The following CLPB variants were observed in gnomAD, a reference collection of about 807,000 sequenced individuals.
CLPB encodes the protein mitochondrial disaggregase.
A neutral mutation model predicts 78.4 loss-of-function variants in CLPB; 40 were observed. That is an observed-to-expected ratio of 0.51 (90% CI 0.40 to 0.66). The LOEUF (loss-of-function observed/expected upper bound fraction) is 0.66, where lower values mean the gene tolerates loss of function less well. Ranked by LOEUF, CLPB falls within the 30% of genes least tolerant of loss-of-function variation. The pLI is 0.00. For missense variants in CLPB, 780 were observed against 886.9 expected (o/e 0.88, Z 1.53); for synonymous variants, 333 against 348.0 (o/e 0.96, Z 0.48).
intron 2 of CLPB, among the ~76,000 whole-genome samples, chr11:72,426,772 C>A (rs982352079): frequency 2.6e-5 from 4 of 152,306 alleles, no homozygotes; most frequent in African/African-American, 9.6e-5. Context: ...AGGAGGTGCA[C>A]AATCCAGCAG....
intron 5 of CLPB, 64 bp downstream of exon 5, chr11:72,358,816 A>AC (rs1422201902): frequency 6.6e-4 from 12 of 18,072 alleles, no homozygotes; most frequent in East Asian, 6.1e-3. Context: ...CCCCTCCTCC[A>AC]CCCCCCCCAC....
intron 2 of CLPB, among the ~76,000 whole-genome samples, chr11:72,422,561 A>C (rs1206621219): frequency 6.6e-6 from 1 of 152,218 alleles, no homozygotes; most frequent in Admixed American, 6.5e-5. Flanking sequence ...CTCTCACTAT[A>C]AGTATCAAAT....
At chr11:72,358,700 C>T (rs558124394) in intron 5 of CLPB, among the ~76,000 whole-genome samples, 180 bp downstream of exon 5, 14 of 152,234 alleles carry the variant, frequency 9.2e-5, no homozygotes, top group African/African-American at 3.4e-4. Context: ...AAGCTGCTCT[C>T]GAGGCATCTC....
At chr11:72,294,218 C>T in intron 14 of CLPB, 92 bp from the exon 15 acceptor site, 3 of 1,604,572 alleles carry the variant, frequency 1.9e-6, no homozygotes, top group South Asian at 2.2e-5. Context: ...ACTGGCCCCA[C>T]ACCACTGTGC....
At chr11:72,414,990 G>A (rs747187888) in intron 2 of CLPB, among the ~76,000 whole-genome samples, 1 of 152,146 alleles carries the variant, frequency 6.6e-6, no homozygotes, top group Admixed American at 6.5e-5. Flanking sequence ...GGCCGAGGTG[G>A]GTGGATCACA....
intron 5 of CLPB, among the ~76,000 whole-genome samples, chr11:72,356,520 C>T (rs1023043004): frequency 3.9e-5 from 6 of 152,168 alleles, no homozygotes; most frequent in African/African-American, 1.4e-4. Flanking sequence ...CCCTGAGTGA[C>T]GGCAACTTGT....
At chr11:72,411,224 C>T (rs1855867699) in intron 2 of CLPB, among the ~76,000 whole-genome samples, 1 of 152,192 alleles carries the variant, frequency 6.6e-6, no homozygotes, top group Non-Finnish European at 1.5e-5. Context: ...AACTTCTCAC[C>T]AATACTTCTG....
At chr11:72,332,136 A>G (rs1415755328) in intron 5 of CLPB, among the ~76,000 whole-genome samples, 1 of 151,472 alleles carries the variant, frequency 6.6e-6, no homozygotes, top group Non-Finnish European at 1.5e-5. Context: ...TGATAAATAT[A>G]TTTTTTTTTA....
At chr11:72,394,967 C>T (rs538391448) in intron 3 of CLPB, among the ~76,000 whole-genome samples, 15 of 152,286 alleles carry the variant, frequency 9.8e-5, no homozygotes, top group African/African-American at 1.7e-4. Context: ...GTTGCTTCTA[C>T]GAGCACATCT....
intron 4 of CLPB, 143 bp downstream of exon 4, chr11:72,380,138 C>G (rs1854860606): frequency 1.5e-6 from 1 of 651,220 alleles, no homozygotes; most frequent in South Asian, 1.8e-5. Flanking sequence ...GTTCCAAGCC[C>G]TTTGGGGTCT....
chr11:72,389,224 G>A (rs963517923), intron 3 of CLPB, among the ~76,000 whole-genome samples: 1 of 152,218 alleles, frequency 6.6e-6, no homozygotes, highest in Non-Finnish European at 1.5e-5. Flanking sequence ...AACAGTATTT[G>A]GGAGAAGGTG....
In CLPB at chr11:72,434,460, CA is replaced by C; in HGVS notation, c.14del (p.Leu5ArgfsTer3). 3 of 1,549,014 alleles carry C rather than the reference CA, an allele frequency of 1.9e-6. No individual in the cohort carries two copies. Among genetic ancestry groups the C allele is most frequent in the Non-Finnish European group, 2.6e-6 (3 of 1,144,314 alleles). On this transcript the variant is annotated frameshift_variant, in exon 1 of 16. Transcript: ENST00000538039. LOFTEE classifies it high-confidence loss of function. MLGS[L>X]VLRRKALAPR... ...GCGCCAGTGCTTTTCTCCTCAACAC[CA>C]GGGACCCCAGCATCTTGACAGCTGC...
At position 72,292,990 on chromosome 11, in the gene CLPB, CAGCT is replaced by C. The variant is rs1949477356; in HGVS notation, c.*373_*376del. The C allele has an allele frequency of 1.0e-5, 2 of 196,352 alleles. No homozygotes were observed. Among genetic ancestry groups the C allele is most frequent in the African/African-American group, 4.6e-5 (2 of 43,588 alleles). The allele number at this position is 196,352 out of a possible 1,614,324, so 12.2% of individuals were successfully genotyped here. ...AGTCTGGTCCCTGTCTTCTTCCAGC[CAGCT>C]GTGTTCTTAGCTGCCATACTTCTGA... On this transcript the variant is annotated 3_prime_UTR_variant, in exon 16 of 16. Coordinates refer to ENST00000538039, the MANE Select transcript of CLPB (RefSeq NM_001258392.3).
chr11:72,413,862 G>A (rs1203659236), intron 2 of CLPB, among the ~76,000 whole-genome samples: 1 of 152,170 alleles, frequency 6.6e-6, no homozygotes, highest in African/African-American at 2.4e-5. Context: ...CCTGAGGACT[G>A]GTTATTACAG....
At chr11:72,366,936 C>T (rs1320285506) in intron 4 of CLPB, among the ~76,000 whole-genome samples, 1 of 152,150 alleles carries the variant, frequency 6.6e-6, no homozygotes, top group African/African-American at 2.4e-5. Context: ...ATGTTCATCA[C>T]AGCACTATTC....
chr11:72,384,079 G>A (rs1318898263), intron 3 of CLPB, among the ~76,000 whole-genome samples: 2 of 152,132 alleles, frequency 1.3e-5, no homozygotes, highest in Non-Finnish European at 2.9e-5. Flanking sequence ...ACTTGAGCTT[G>A]CGGGGCAGAG....
At position 72,312,402 on chromosome 11, in the gene CLPB, G is replaced by A. The variant is rs1358468764; in HGVS notation, c.989-3798C>T. ...GGATACCGAGGCTCAGAGACGGGCAGTGTAAGGTGTTTCATCTACCTGTGC... is the reference window on the plus strand; with the variant it reads ...GGATACCGAGGCTCAGAGACGGGCAATGTAAGGTGTTTCATCTACCTGTGC... On this transcript the variant is annotated intron_variant, in intron 7 of 15. Transcript: ENST00000538039. The surrounding 1 kb of genome is among the most constrained non-coding windows in gnomAD (Gnocchi z 4.2). Among the ~76,000 whole-genome samples the A allele has an allele frequency of 6.6e-6, 1 of 152,190 alleles. No individual in the cohort carries two copies. Among genetic ancestry groups the A allele is most frequent in the Non-Finnish European group, 1.5e-5 (1 of 68,036 alleles).
At chr11:72,416,542 C>T (rs1428777931) in intron 2 of CLPB, among the ~76,000 whole-genome samples, 1 of 151,758 alleles carries the variant, frequency 6.6e-6, no homozygotes, top group Non-Finnish European at 1.5e-5. Context: ...TCGAGACAAG[C>T]CTGGCCAACA....
chr11:72,380,196 G>T, intron 4 of CLPB, 85 bp downstream of exon 4: 1 of 998,488 alleles, frequency 1.0e-6, no homozygotes, highest in Non-Finnish European at 1.6e-6. Flanking sequence ...ACTCTGAGTT[G>T]CTGGTAGAGC....
Sources: allele counts gnomAD v4.1 joint callset (sites outside exome capture counted in the v4.1 genomes callset), GRCh38; gene constraint gnomAD v4.1.1; non-coding constraint Gnocchi (gnomAD v3.1); transcripts MANE v1.5; gene names NCBI Gene and HGNC (gene_info 2026-07-23, HGNC 2026-07-21).